PSMF1: variants seen among roughly 807,000 people sequenced by gnomAD.
PSMF1 encodes the protein proteasome inhibitor PI31 subunit.
PSMF1 carries 30 observed loss-of-function variants against 29.3 expected under a neutral mutation model. The ratio of observed to expected loss-of-function variants is 1.02; its 90% CI spans 0.77 to 1.39. The LOEUF (loss-of-function observed/expected upper bound fraction) is 1.39, where lower values mean the gene tolerates loss of function less well. Among genes scored for constraint, PSMF1 ranks in the 40% most tolerant of loss-of-function variants. PSMF1 has a pLI of 0.00. For missense variants in PSMF1, 344 were observed against 357.5 expected (o/e 0.96, Z 0.31); for synonymous variants, 134 against 139.7 (o/e 0.96, Z 0.29).
At chr20:1,137,669 C>G (rs2086324475) in intron 4 of PSMF1, among the ~76,000 whole-genome samples, 1 of 152,120 alleles carries the variant, frequency 6.6e-6, no homozygotes, top group Admixed American at 6.5e-5. Context: ...GTCATACCAA[C>G]TAAAATGCAG....
At chr20:1,138,559 A>G (rs1468338846) in intron 4 of PSMF1, among the ~76,000 whole-genome samples, 1 of 150,994 alleles carries the variant, frequency 6.6e-6, no homozygotes, top group African/African-American at 2.4e-5. Context: ...TAAAAACTAC[A>G]TGTTCATCTC....
rs2086744921 is a variant in PSMF1 at position 1,167,467 on chromosome 20, T to C, written c.*2387T>C. On this transcript the variant is annotated 3_prime_UTR_variant, in exon 7 of 7. Coordinates refer to ENST00000335877, the MANE Select transcript of PSMF1 (RefSeq NM_006814.5). ...ACCACCATTTCTAATTCCTGAACAT[T>C]TTCACCACCTCAAAAAGAAACCACA... The C allele has an allele frequency of 6.6e-6, 1 of 152,288 alleles. No individual in the cohort carries two copies. Among genetic ancestry groups the C allele is most frequent in the Non-Finnish European group, 1.5e-5 (1 of 68,030 alleles). 9.4% of individuals were successfully genotyped at this position (152,288 alleles called of 1,614,324 possible).
chr20:1,164,979 C>G lies in PSMF1; in HGVS notation c.765-50C>G, dbSNP rs759055739. ...GTGCAGGGTCATGTCTGCCCATGTT[C>G]CCCTGGTCTCTCCATCACTCCAACT... On this transcript the variant is annotated intron_variant, in intron 6 of 6. Transcript: ENST00000335877. This position sits in a 1 kb window ranked among gnomAD's most constrained non-coding sequence, Gnocchi z 4.1. 11 of 1,498,424 alleles carry G rather than the reference C, an allele frequency of 7.3e-6. No individual in the cohort carries two copies. Among genetic ancestry groups the G allele is most frequent in the Non-Finnish European group, 8.4e-6 (9 of 1,074,908 alleles). 92.8% of individuals were successfully genotyped at this position (1,498,424 alleles called of 1,614,324 possible).
At chr20:1,153,073 C>T (rs2086551712) in intron 4 of PSMF1, among the ~76,000 whole-genome samples, 1 of 152,160 alleles carries the variant, frequency 6.6e-6, no homozygotes, top group South Asian at 2.1e-4. Flanking sequence ...TGTCATTTCC[C>T]TATCCTTACC....
chr20:1,122,295 C>CTTT (rs144183769), intron 1 of PSMF1, among the ~76,000 whole-genome samples: 1 of 131,636 alleles, frequency 7.6e-6, no homozygotes, highest in Non-Finnish European at 1.6e-5. Flanking sequence ...TTTTTCTTTT[C>CTTT]TTTTTTTTTT....
At chr20:1,143,756 C>T (rs2086413186) in intron 4 of PSMF1, among the ~76,000 whole-genome samples, 1 of 152,104 alleles carries the variant, frequency 6.6e-6, no homozygotes, top group Non-Finnish European at 1.5e-5. Flanking sequence ...AGATAAAGAA[C>T]TCTCAAAATC....
At chr20:1,122,670 G>A (rs1325016013) in intron 1 of PSMF1, among the ~76,000 whole-genome samples, 1 of 152,154 alleles carries the variant, frequency 6.6e-6, no homozygotes, top group African/African-American at 2.4e-5. Flanking sequence ...TTCCAACTGT[G>A]GCTTTCTGGG....
chr20:1,150,706 AG>A (rs1381387635), intron 4 of PSMF1, among the ~76,000 whole-genome samples: 1 of 152,092 alleles, frequency 6.6e-6, no homozygotes, highest in East Asian at 1.9e-4. Flanking sequence ...TCCCCTCTGT[AG>A]CTTGCCCTTT....
At position 1,125,414 on chromosome 20, in the gene PSMF1, T is replaced by C. The variant is rs75310934; in HGVS notation, c.130-84T>C. ...ATCTTCATCTGTGAAGTGAGGTGGG[T>C]AAGATTAGCTTATCTCGTGAGGTTC... is the stretch of plus-strand genomic sequence containing the variant. On this transcript the variant is annotated intron_variant, in intron 1 of 6. Transcript: ENST00000335877. The C allele has an allele frequency of 3.5e-4, 483 of 1,390,702 alleles. No homozygotes were observed. The African/African-American group carries it at 4.9e-3, about 14-fold the overall frequency. 86.1% of individuals were successfully genotyped at this position (1,390,702 alleles called of 1,614,324 possible).
intron 4 of PSMF1, among the ~76,000 whole-genome samples, chr20:1,141,112 C>A (rs1193532364): frequency 6.6e-6 from 1 of 152,044 alleles, no homozygotes; most frequent in African/African-American, 2.4e-5. Flanking sequence ...GTGAAATGTC[C>A]AGAATAGGCA....
intron 3 of PSMF1, among the ~76,000 whole-genome samples, chr20:1,128,132 T>C (rs941460475): frequency 4.6e-5 from 7 of 152,196 alleles, no homozygotes; most frequent in African/African-American, 1.7e-4. Context: ...ACCCTAAAAA[T>C]CTGTGCTTCT....
chr20:1,140,988 A>C (rs2086373423), intron 4 of PSMF1, among the ~76,000 whole-genome samples: 2 of 152,246 alleles, frequency 1.3e-5, no homozygotes, highest in Admixed American at 1.3e-4. Flanking sequence ...TTACAACTGA[A>C]TATGGATATT....
At chr20:1,132,421 G>C (rs150950314) in intron 3 of PSMF1, among the ~76,000 whole-genome samples, 54 of 152,054 alleles carry the variant, frequency 3.6e-4, no homozygotes, top group African/African-American at 1.3e-3. Context: ...GACTACAGAT[G>C]CGTGCCACCA....
chr20:1,164,575 G>T lies in PSMF1; in HGVS notation c.764+99G>T. On this transcript the variant is annotated intron_variant, in intron 6 of 6. Transcript: ENST00000335877. This position sits in a 1 kb window ranked among gnomAD's most constrained non-coding sequence, Gnocchi z 4.1. ...TTCTAGCCCCAGGCACAGAGCTGCC[G>T]CTGCCTTCACCTGTTGCTGCCAGGA... 4.7e-6 allele frequency: 7 copies of T among 1,483,266 alleles called. No homozygotes were observed. The highest frequency in any genetic ancestry group is 6.5e-6 in the Non-Finnish European group (7 of 1,083,886). 91.9% of individuals were successfully genotyped at this position (1,483,266 alleles called of 1,614,324 possible).
At chr20:1,122,687 G>A (rs1410490889) in intron 1 of PSMF1, among the ~76,000 whole-genome samples, 1 of 152,156 alleles carries the variant, frequency 6.6e-6, no homozygotes, top group Non-Finnish European at 1.5e-5. Flanking sequence ...TGGGACTCTT[G>A]ATATTTGATG....
intron 1 of PSMF1, 139 bp from the exon 2 acceptor site, chr20:1,125,359 C>T: frequency 1.1e-6 from 1 of 917,074 alleles, no homozygotes; most frequent in Non-Finnish European, 1.6e-6. Flanking sequence ...GCTGTAGGAT[C>T]TTGGGCAAGT....
chr20:1,121,257 G>T (rs2086083384), intron 1 of PSMF1, among the ~76,000 whole-genome samples: 1 of 152,142 alleles, frequency 6.6e-6, no homozygotes, highest in African/African-American at 2.4e-5. Flanking sequence ...TCTTTGGGGA[G>T]GCCCAGGAGC....
At chr20:1,151,409 A>T (rs1241615111) in intron 4 of PSMF1, among the ~76,000 whole-genome samples, 1 of 152,246 alleles carries the variant, frequency 6.6e-6, no homozygotes, top group Admixed American at 6.5e-5. Flanking sequence ...ACACTTTTGT[A>T]AGCATTCTCA....
At chr20:1,140,076 T>G (rs571875460) in intron 4 of PSMF1, among the ~76,000 whole-genome samples, 20 of 152,256 alleles carry the variant, frequency 1.3e-4, no homozygotes, top group Non-Finnish European at 2.1e-4. Context: ...AGGTTTTGGG[T>G]TTTTCCCCCC....
Sources: allele counts gnomAD v4.1 joint callset (sites outside exome capture counted in the v4.1 genomes callset), GRCh38; gene constraint gnomAD v4.1.1; non-coding constraint Gnocchi (gnomAD v3.1); transcripts MANE v1.5; gene names NCBI Gene and HGNC (gene_info 2026-07-23, HGNC 2026-07-21).